Variants in WDR62 observed in about 807,000 individuals in gnomAD.
The protein encoded by WDR62 is WD repeat domain 62.
WDR62 carries 112 observed loss-of-function variants against 160.6 expected under a neutral mutation model. That is an observed-to-expected ratio of 0.70 (90% CI 0.60 to 0.82). The LOEUF (loss-of-function observed/expected upper bound fraction) is 0.82, where lower values mean the gene tolerates loss of function less well. WDR62 is among the 40% of genes least tolerant of loss of function. The pLI, the probability that WDR62 is intolerant of heterozygous loss-of-function variation, is 0.00. For missense variants in WDR62, 1,819 were observed against 1,983.8 expected (o/e 0.92, Z 1.58); for synonymous variants, 792 against 815.1 (o/e 0.97, Z 0.48).
chr19:36,104,702 G>C, intron 31 of WDR62, 27 bp downstream of exon 31: 1 of 1,613,978 alleles, frequency 6.2e-7, no homozygotes, highest in Non-Finnish European at 8.5e-7. Flanking sequence ...AGTTGGGAAA[G>C]GGTTGAGGGG....
rs376026671 is a variant in WDR62, at chr19:36,104,573, G to A, written c.4209G>A (p.Pro1403=). The part of the protein sequence containing the change: ...SPARWSEPWV[P]VEALPPSPLE... ...CCCGCTGGAGTGAGCCCTGGGTGCC[G>A]GTTGAAGCCCTGCCCCCATCTCCCC... The change falls in exon 31 of 32, where the codon CCG becomes CCA. Residue 1403 remains proline (P), a synonymous_variant. Coordinates refer to ENST00000401500, the MANE Select transcript of WDR62 (RefSeq NM_001083961.2). The A allele has an allele frequency of 2.0e-5, 33 of 1,613,714 alleles. No homozygotes were observed. The East Asian group carries it at 4.0e-4, about 20-fold the overall frequency.
chr19:36,087,389 C>T (rs1402591262), intron 13 of WDR62, among the ~76,000 whole-genome samples: 2 of 151,792 alleles, frequency 1.3e-5, no homozygotes, highest in Non-Finnish European at 2.9e-5. Flanking sequence ...CACCTGTAAT[C>T]CCAGCTACTC....
At chr19:36,071,887 C>A (rs958675943) in intron 8 of WDR62, among the ~76,000 whole-genome samples, 171 bp downstream of exon 8, 3 of 152,228 alleles carry the variant, frequency 2.0e-5, no homozygotes, top group African/African-American at 7.2e-5. Context: ...CGAGGCAAGC[C>A]TCACAGTGAG....
chr19:36,067,457 C>T lies in WDR62; in HGVS notation c.699+14C>T. 1 of 1,614,072 alleles carries T rather than the reference C, an allele frequency of 6.2e-7. No homozygotes were observed. The highest frequency in any genetic ancestry group is 8.5e-7 in the Non-Finnish European group (1 of 1,180,030). On this transcript the variant is annotated intron_variant, in intron 6 of 31. Transcript: ENST00000401500. ...ACTGAGACAAAGGTGAGTTTCTGTC[C>T]CTGCCCCTTTAGCCAGGCCCTGAGG...
chr19:36,066,146 G>C, intron 4 of WDR62, 111 bp from the exon 5 acceptor site: 1 of 1,580,234 alleles, frequency 6.3e-7, no homozygotes, highest in Non-Finnish European at 8.7e-7. Context: ...GTAGCAGATG[G>C]GGGAGGTGGC....
Position 36,092,804 on chromosome 19 carries a change from C to T in WDR62, c.2326C>T (p.His776Tyr), listed in dbSNP as rs763827430. ...QHTNDKKRSG[H>Y]PRQDTYVSTP... ...CACAAATGACAAGAAGCGGAGTGGC[C>T]ACCCCAGGTCCTGGCAGCCCCTGCC... Residue 776 changes from histidine to tyrosine, a missense_variant, in exon 19 of 32, where the codon CAC (histidine) becomes TAC (tyrosine). His to Tyr is a moderately conservative substitution (Grantham distance 83). Around this residue, in one of 3 missense-constraint regions of WDR62, gnomAD observed 934 missense variants for 1,157.2 expected, o/e 0.81. Coordinates refer to ENST00000401500, the MANE Select transcript of WDR62 (RefSeq NM_001083961.2). The T allele has an allele frequency of 1.2e-6, 2 of 1,613,874 alleles. No homozygotes were observed. Among genetic ancestry groups the T allele is most frequent in the Non-Finnish European group, 1.7e-6 (2 of 1,179,954 alleles).
In WDR62 at chr19:36,059,840, G is replaced by A. The variant is rs961775517; in HGVS notation, c.270-128G>A. 7.7e-6 allele frequency: 7 copies of A among 913,754 alleles called. No homozygotes were observed. In the East Asian group the frequency reaches 9.6e-5, roughly 13 times the overall value. 56.6% of individuals were successfully genotyped at this position (913,754 alleles called of 1,614,324 possible). A position where few individuals can be genotyped will look rare whatever the true frequency, so the allele number is the denominator to read the frequency against. On this transcript the variant is annotated intron_variant, in intron 2 of 31. Coordinates refer to ENST00000401500, the MANE Select transcript of WDR62 (RefSeq NM_001083961.2). ...TCTCAGCGTAAACACCTGGAGGAGG[G>A]GGAGGAGGAGGAGACCAGAGAGAAC...
At chr19:36,061,494 G>A (rs1350379062) in intron 3 of WDR62, 1 of 152,216 alleles carries the variant, frequency 6.6e-6, no homozygotes, top group Non-Finnish European at 1.5e-5. Flanking sequence ...CCTTTTGTTT[G>A]GAGAAGTGAG....
intron 16 of WDR62, 68 bp downstream of exon 16, chr19:36,090,588 GA>G: frequency 6.9e-7 from 1 of 1,450,488 alleles, no homozygotes; most frequent in Non-Finnish European, 9.7e-7. Context: ...GCCCACACCT[GA>G]GACCTGTGCC....
At chr19:36,070,620 G>A (rs931176333) in intron 7 of WDR62, 5 of 152,206 alleles carry the variant, frequency 3.3e-5, no homozygotes, top group African/African-American at 1.2e-4. Context: ...GATCACCTTC[G>A]AGGTTAATGG....
intron 10 of WDR62, among the ~76,000 whole-genome samples, chr19:36,082,163 T>C (rs1056220322): frequency 5.9e-5 from 9 of 152,230 alleles, no homozygotes; most frequent in Admixed American, 5.2e-4. Flanking sequence ...AAGACTCTTC[T>C]GTCCTGTGGC....
intron 3 of WDR62, 40 bp from the exon 4 acceptor site, chr19:36,065,918 C>G: frequency 3.1e-6 from 5 of 1,607,624 alleles, no homozygotes; most frequent in Non-Finnish European, 4.3e-6. Flanking sequence ...GCTGGCCACC[C>G]TCAGCGGAAC....
intron 21 of WDR62, among the ~76,000 whole-genome samples, chr19:36,098,948 G>A (rs1258532257): frequency 1.3e-5 from 2 of 152,120 alleles, no homozygotes; most frequent in African/African-American, 4.8e-5. Context: ...TGGGCTGGGC[G>A]CAGTGGCTCA....
At chr19:36,081,337 A>G (rs1030633407) in intron 9 of WDR62, 96 bp from the exon 10 acceptor site, 43 of 1,470,268 alleles carry the variant, frequency 2.9e-5, no homozygotes, top group Non-Finnish European at 4.1e-5. Context: ...ATACCTGTTT[A>G]TCTTTAACTT....
At chr19:36,083,610 A>C (rs191218229) in intron 11 of WDR62, among the ~76,000 whole-genome samples, 1 of 152,130 alleles carries the variant, frequency 6.6e-6, no homozygotes, top group Admixed American at 6.5e-5. Flanking sequence ...GAGAGGGGCT[A>C]TGAGGGTGGG....
chr19:36,063,164 C>T (rs1362124068), intron 3 of WDR62, among the ~76,000 whole-genome samples: 2 of 152,170 alleles, frequency 1.3e-5, no homozygotes, highest in South Asian at 2.1e-4. Flanking sequence ...AGGATGGTCT[C>T]GATCTCCTGA....
the WDR62 span, among the ~76,000 whole-genome samples, chr19:36,110,282 C>A: frequency 6.6e-6 from 1 of 152,004 alleles, no homozygotes; most frequent in Non-Finnish European, 1.5e-5. Flanking sequence ...ACTAGCCTGG[C>A]CAACATGGTG....
Position 36,103,176 on chromosome 19 carries a change from T to C in WDR62, c.3483T>C (p.Ala1161=). 2 of 1,614,020 alleles carry C rather than the reference T, an allele frequency of 1.2e-6. No homozygotes were observed. The highest frequency in any genetic ancestry group is 1.3e-5 in the African/African-American group (1 of 75,024). Residue 1161 remains alanine, a synonymous_variant, in exon 29 of 32, where the codon GCT becomes GCC. Transcript: ENST00000401500. ...TGCAGGTCCTCGCTGCAGGGAAGGCTGAAGAGACCCTGGAGGCCTGGCGCC... is the reference window on the plus strand; with the variant it reads ...TGCAGGTCCTCGCTGCAGGGAAGGCCGAAGAGACCCTGGAGGCCTGGCGCC... ...DRTHVLAAGK[A]EETLEAWRPP...
chr19:36,066,820 C>T (rs1970967738), intron 5 of WDR62, among the ~76,000 whole-genome samples: 1 of 152,178 alleles, frequency 6.6e-6, no homozygotes, highest in Non-Finnish European at 1.5e-5. Flanking sequence ...CTGGCTCTGC[C>T]CATAACCCAC....
Sources: gnomAD v4.1 joint callset for allele counts (sites outside exome capture counted in the v4.1 genomes callset) on GRCh38, gnomAD v4.1.1 for gene constraint, gnomAD v4.1.1 regional missense constraint, MANE v1.5 for transcripts, NCBI Gene and HGNC (gene_info 2026-07-23, HGNC 2026-07-21) for gene names.